The following PGPEP1L variants were observed in gnomAD, a reference collection of about 807,000 sequenced individuals.
PGPEP1L encodes pyroglutamyl-peptidase I like, also known as pyroglutamyl-peptidase 1-like protein.
PGPEP1L carries 7 observed loss-of-function variants against 6.0 expected under a neutral mutation model. The observed-to-expected ratio is 1.17, with a 90% CI of 0.66 to 2.19. The LOEUF (loss-of-function observed/expected upper bound fraction) is 2.19. Ranked by LOEUF, PGPEP1L falls within the 30% of genes most tolerant of loss-of-function variation. PGPEP1L has a pLI of 0.00. For synonymous variants in PGPEP1L, 103 were observed against 83.9 expected (o/e 1.23, Z -1.24); for missense variants, 209 against 192.5 (o/e 1.09, Z -0.51).
chr15:98,988,876 C>T (rs2151762021), intron 2 of PGPEP1L, among the ~76,000 whole-genome samples: 1 of 152,316 alleles, frequency 6.6e-6, no homozygotes, highest in Middle Eastern at 3.4e-3. Context: ...AGCAGACCTG[C>T]AGTAGAGTGC....
At chr15:98,999,829 TG>T (rs1317668372) in intron 2 of PGPEP1L, among the ~76,000 whole-genome samples, 1 of 152,206 alleles carries the variant, frequency 6.6e-6, no homozygotes, top group Non-Finnish European at 1.5e-5. Context: ...AAATATTATT[TG>T]TCAATAAAAA....
intron 2 of PGPEP1L, among the ~76,000 whole-genome samples, chr15:98,987,541 A>G (rs571035960): frequency 1.4e-4 from 22 of 152,286 alleles, no homozygotes; most frequent in African/African-American, 3.8e-4. Context: ...TACAGTGCCT[A>G]GTGTTCAGCA....
intron 4 of PGPEP1L, 46 bp from the exon 5 acceptor site, chr15:98,968,743 A>G (rs1222723854): frequency 6.6e-7 from 1 of 1,520,656 alleles, no homozygotes; most frequent in South Asian, 1.2e-5. Flanking sequence ...CCAGCCTCTA[A>G]CCTCAGTGAA....
intron 2 of PGPEP1L, among the ~76,000 whole-genome samples, chr15:98,996,349 C>T (rs1029656710): frequency 3.3e-5 from 5 of 152,192 alleles, no homozygotes; most frequent in African/African-American, 1.2e-4. Flanking sequence ...CCTTAAGGGA[C>T]TGACTTAAAG....
At chr15:98,995,231 T>C (rs1222304816) in intron 2 of PGPEP1L, among the ~76,000 whole-genome samples, 1 of 152,240 alleles carries the variant, frequency 6.6e-6, no homozygotes, top group Non-Finnish European at 1.5e-5. Flanking sequence ...TCTTTCTGTA[T>C]CTCCTTATGC....
rs759995570 is a variant in PGPEP1L, at chr15:98,968,586, T to C, written c.321A>G (p.Arg107=). 1.2e-6 allele frequency: 2 copies of C among 1,611,934 alleles called. No individual in the cohort carries two copies. Among genetic ancestry groups the C allele is most frequent in the East Asian group, 4.5e-5 (2 of 44,852 alleles). Residue 107 remains arginine, a synonymous_variant, in exon 5 of 5, where the codon AGA becomes AGG. Transcript: ENST00000535714. ...SRGLPASLLG[R]ALRVIIQEML... ...TTTCCTGGATGATGACTCTCAAGGCTCTTCCCAGCAGGCTGGCCGGGAGCC... is the reference window on the plus strand; with the variant it reads ...TTTCCTGGATGATGACTCTCAAGGCCCTTCCCAGCAGGCTGGCCGGGAGCC...
At chr15:98,996,772 C>T (rs1462167698) in intron 2 of PGPEP1L, among the ~76,000 whole-genome samples, 1 of 152,076 alleles carries the variant, frequency 6.6e-6, no homozygotes, top group Non-Finnish European at 1.5e-5. Context: ...TCTATCTTAC[C>T]TAGTGATATC....
chr15:98,982,535 T>C (rs186240620), intron 2 of PGPEP1L, among the ~76,000 whole-genome samples: 1 of 152,166 alleles, frequency 6.6e-6, no homozygotes, highest in East Asian at 1.9e-4. Context: ...GGAAAGTGCA[T>C]TTGGGTTATC....
chr15:99,003,084 C>T (rs530709073), intron 2 of PGPEP1L, among the ~76,000 whole-genome samples: 11 of 151,532 alleles, frequency 7.3e-5, no homozygotes, highest in Non-Finnish European at 1.0e-4. Flanking sequence ...TTGGACAGAA[C>T]GTCCCAAAAA....
At chr15:98,984,270 A>G (rs563858704) in intron 2 of PGPEP1L, among the ~76,000 whole-genome samples, 5 of 152,308 alleles carry the variant, frequency 3.3e-5, no homozygotes, top group African/African-American at 1.2e-4. Context: ...GTGGCCTCCC[A>G]AAGTGCTGGG....
At chr15:98,994,879 T>C (rs1320157241) in intron 2 of PGPEP1L, among the ~76,000 whole-genome samples, 1 of 152,260 alleles carries the variant, frequency 6.6e-6, no homozygotes, top group East Asian at 1.9e-4. Context: ...TTGAATATAT[T>C]ACTCTATGTA....
chr15:98,997,500 G>T (rs1485917825), intron 2 of PGPEP1L, among the ~76,000 whole-genome samples: 1 of 152,198 alleles, frequency 6.6e-6, no homozygotes, highest in Non-Finnish European at 1.5e-5. Context: ...TATGGGGACA[G>T]AGAGCAGACA....
chr15:98,995,339 A>G (rs2017873150), intron 2 of PGPEP1L, among the ~76,000 whole-genome samples: 1 of 152,034 alleles, frequency 6.6e-6, no homozygotes, highest in Admixed American at 6.6e-5. Context: ...ATGTATATCT[A>G]TATGTATATC....
intron 3 of PGPEP1L, among the ~76,000 whole-genome samples, chr15:98,970,505 G>A (rs1019318159): frequency 7.2e-6 from 1 of 139,510 alleles, no homozygotes; most frequent in African/African-American, 2.6e-5. Flanking sequence ...GCTTGATAGT[G>A]TATGTTTTAT....
At chr15:99,006,415 G>T (rs183002837) in intron 1 of PGPEP1L, among the ~76,000 whole-genome samples, 52 of 152,378 alleles carry the variant, frequency 3.4e-4, no homozygotes, top group Admixed American at 1.7e-3. Flanking sequence ...TGGCTCTGCA[G>T]ACAGTCCTCT....
chr15:98,983,296 T>C (rs973741208), intron 2 of PGPEP1L, among the ~76,000 whole-genome samples: 1 of 152,332 alleles, frequency 6.6e-6, no homozygotes, highest in Middle Eastern at 3.4e-3. Flanking sequence ...ACTGTTCTGA[T>C]TCACGGCTCT....
At chr15:98,982,328 C>G (rs1384104934) in intron 2 of PGPEP1L, among the ~76,000 whole-genome samples, 3 of 151,776 alleles carry the variant, frequency 2.0e-5, no homozygotes, top group African/African-American at 7.3e-5. Context: ...CATGGACTCA[C>G]ACAGTCCCCA....
intron 2 of PGPEP1L, among the ~76,000 whole-genome samples, chr15:98,996,671 G>A (rs1555472532): frequency 6.6e-6 from 1 of 152,094 alleles, no homozygotes; most frequent in African/African-American, 2.4e-5. Context: ...ATGCACGTGT[G>A]TATGCCTGTG....
chr15:99,003,487 G>A (rs2151767497), intron 2 of PGPEP1L, among the ~76,000 whole-genome samples: 1 of 151,914 alleles, frequency 6.6e-6, no homozygotes, highest in South Asian at 2.1e-4. Context: ...CCCGTGGGAG[G>A]GATGCACGTT....
Sources: allele counts gnomAD v4.1 joint callset (sites outside exome capture counted in the v4.1 genomes callset), GRCh38; gene constraint gnomAD v4.1.1; transcripts MANE v1.5; gene names NCBI Gene and HGNC (gene_info 2026-07-23, HGNC 2026-07-21).